The following TRAPPC9 variants were observed in gnomAD, a reference collection of about 807,000 sequenced individuals.
The protein encoded by TRAPPC9 is trafficking protein particle complex subunit 9, also known as IKK2 binding protein.
TRAPPC9 carries 83 observed loss-of-function variants against 124.0 expected under a neutral mutation model. The observed-to-expected ratio is 0.67, with a 90% CI of 0.56 to 0.80. The LOEUF is 0.80. TRAPPC9 is among the 30% of genes least tolerant of loss of function. The probability of loss-of-function intolerance (pLI) is 0.00; values close to 1 mark genes in which losing one functional copy is unlikely to be tolerated. For missense variants in TRAPPC9, 1,302 were observed against 1,508.3 expected (o/e 0.86, Z 2.27); for synonymous variants, 638 against 617.5 (o/e 1.03, Z -0.49).
chr8:139,986,396 A>T (rs1167373490), intron 19 of TRAPPC9, among the ~76,000 whole-genome samples: 1 of 152,214 alleles, frequency 6.6e-6, no homozygotes, highest in Non-Finnish European at 1.5e-5. Flanking sequence ...AGAGAAAAGA[A>T]GATGGGATGA....
intron 19 of TRAPPC9, chr8:139,931,165 C>G (rs898774406): frequency 4.6e-5 from 7 of 152,218 alleles, no homozygotes; most frequent in African/African-American, 1.7e-4. Context: ...ACTTCGACCT[C>G]ATGAGGCTCA....
intron 17 of TRAPPC9, among the ~76,000 whole-genome samples, chr8:140,180,908 C>A (rs1031365188): frequency 6.6e-6 from 1 of 152,106 alleles, no homozygotes; most frequent in Non-Finnish European, 1.5e-5. Flanking sequence ...CTTCTTGGAT[C>A]TGAGGATTTA....
chr8:139,947,729 A>C (rs1043840515), intron 19 of TRAPPC9, among the ~76,000 whole-genome samples: 12 of 151,188 alleles, frequency 7.9e-5, no homozygotes, highest in Admixed American at 2.0e-4. Flanking sequence ...TTAGCCGGTC[A>C]TGGTGGCGGG....
intron 20 of TRAPPC9, among the ~76,000 whole-genome samples, chr8:139,906,741 C>A (rs1587164673): frequency 1.3e-5 from 2 of 152,232 alleles, no homozygotes; most frequent in East Asian, 3.9e-4. Flanking sequence ...TTCCTGGGTA[C>A]TCCCTTCGCT....
intron 2 of TRAPPC9, among the ~76,000 whole-genome samples, chr8:140,443,200 C>A (rs1416930924): frequency 7.1e-6 from 1 of 140,928 alleles, no homozygotes; most frequent in African/African-American, 2.6e-5. Context: ...CTTTGGGAGG[C>A]CAAGGCGGGC....
chr8:139,831,267 T>C (rs1043439660), intron 21 of TRAPPC9, among the ~76,000 whole-genome samples: 1 of 152,160 alleles, frequency 6.6e-6, no homozygotes, highest in Non-Finnish European at 1.5e-5. Flanking sequence ...GTGTCGTGTG[T>C]GTCTGACAGA....
At position 140,104,449 on chromosome 8, in the gene TRAPPC9, T is replaced by C. The variant is rs562299769; in HGVS notation, c.2557-80370A>G. Reference sequence around the variant, plus strand: ...CTGAGATACTCACAGGCCCGTGCGATAGTTGGATATCTAAGTGGGCACTCA... The same window carrying C: ...CTGAGATACTCACAGGCCCGTGCGACAGTTGGATATCTAAGTGGGCACTCA... On this transcript the variant is annotated intron_variant, in intron 17 of 22. Transcript: ENST00000438773. The surrounding 1 kb of genome is among the most constrained non-coding windows in gnomAD (Gnocchi z 4.0). Among the ~76,000 whole-genome samples, 209 of 152,230 alleles carry C rather than the reference T, an allele frequency of 1.4e-3. No individual in the cohort carries two copies. The highest frequency in any genetic ancestry group is 4.8e-3 in the African/African-American group (198 of 41,530).
At chr8:140,284,109 C>T in intron 13 of TRAPPC9, 88 bp from the exon 14 acceptor site, 1 of 1,568,040 alleles carries the variant, frequency 6.4e-7, no homozygotes, top group Admixed American at 1.7e-5. Flanking sequence ...GTACGGGGCT[C>T]CTCTTCAGAA....
chr8:140,088,781 T>C (rs1423540410), intron 17 of TRAPPC9, among the ~76,000 whole-genome samples: 2 of 152,240 alleles, frequency 1.3e-5, no homozygotes, highest in Non-Finnish European at 2.9e-5. Flanking sequence ...AGCAATTCCA[T>C]AAACTTCACT....
At chr8:140,235,769 T>C (rs558206247) in intron 16 of TRAPPC9, among the ~76,000 whole-genome samples, 86 of 152,340 alleles carry the variant, frequency 5.6e-4, no homozygotes, top group Non-Finnish European at 8.4e-4. Flanking sequence ...CCTGAGCTTA[T>C]GTCTACCAAA....
At chr8:140,018,498 T>G (rs1286540383) in intron 18 of TRAPPC9, among the ~76,000 whole-genome samples, 2 of 151,732 alleles carry the variant, frequency 1.3e-5, no homozygotes, top group African/African-American at 2.4e-5. Context: ...TAATTTTGTT[T>G]TTGTATTTTT....
intron 19 of TRAPPC9, among the ~76,000 whole-genome samples, chr8:139,935,032 G>A (rs977247849): frequency 2.1e-4 from 32 of 152,280 alleles, no homozygotes; most frequent in African/African-American, 7.7e-4. Context: ...AGGACCACAG[G>A]TATTCCCTAG....
chr8:139,880,617 T>C (rs936425593), intron 21 of TRAPPC9, among the ~76,000 whole-genome samples: 4 of 152,106 alleles, frequency 2.6e-5, no homozygotes, highest in Admixed American at 2.6e-4. Flanking sequence ...CACGTCACAA[T>C]CGAGAGTCAC....
chr8:139,947,907 T>TATAGAGAGAGAGAGAGAGAG, intron 19 of TRAPPC9, among the ~76,000 whole-genome samples: 1 of 60,362 alleles, frequency 1.7e-5, no homozygotes, highest in Non-Finnish European at 3.3e-5. Context: ...TATATATATA[T>TATAGAGAGAGAGAGAGAGAG]AGAGAGAGAG....
At chr8:140,024,273 G>A (rs1178863809) in intron 17 of TRAPPC9, among the ~76,000 whole-genome samples, 194 bp from the exon 18 acceptor site, 1 of 152,062 alleles carries the variant, frequency 6.6e-6, no homozygotes, top group Non-Finnish European at 1.5e-5. Flanking sequence ...CACACCCCCA[G>A]CGGGCACCAT....
At chr8:140,418,771 T>TAGAC (rs57372376) in intron 5 of TRAPPC9, among the ~76,000 whole-genome samples, 18,903 of 130,794 alleles carry the variant, frequency 0.14, 2,516 homozygotes, top group East Asian at 0.39. Flanking sequence ...GATAGATAGA[T>TAGAC]AGACAGACAG....
chr8:140,287,973 C>T (rs913538817), intron 12 of TRAPPC9, among the ~76,000 whole-genome samples: 8 of 152,196 alleles, frequency 5.3e-5, no homozygotes, highest in Middle Eastern at 3.2e-3. Flanking sequence ...GCCCTGTTTG[C>T]TGTCTGATAT....
chr8:140,426,461 C>A (rs2070426956), intron 5 of TRAPPC9, among the ~76,000 whole-genome samples, 154 bp downstream of exon 5: 1 of 152,172 alleles, frequency 6.6e-6, no homozygotes, highest in Admixed American at 6.5e-5. Context: ...ACCCACCAAT[C>A]AATCATCAAG....
chr8:140,219,712 T>G (rs112160463), intron 17 of TRAPPC9, among the ~76,000 whole-genome samples: 2,664 of 152,284 alleles, frequency 0.017, 68 homozygotes, highest in African/African-American at 0.061. Context: ...CTCCATGTCA[T>G]GGGTCTGCTA....
Sources: allele counts gnomAD v4.1 joint callset (sites outside exome capture counted in the v4.1 genomes callset), GRCh38; gene constraint gnomAD v4.1.1; non-coding constraint Gnocchi (gnomAD v3.1); transcripts MANE v1.5; gene names NCBI Gene and HGNC (gene_info 2026-07-23, HGNC 2026-07-21).